The following SHROOM2 variants were observed in gnomAD, a reference collection of about 807,000 sequenced individuals.
SHROOM2 encodes the protein protein Shroom2.
Under a neutral mutation model 75.9 loss-of-function variants are expected in SHROOM2, and 33 were observed. The ratio of observed to expected loss-of-function variants is 0.43; its 90% CI spans 0.33 to 0.58. The LOEUF is 0.58. SHROOM2 is among the 20% of genes least tolerant of loss of function. The probability of loss-of-function intolerance (pLI) is 0.04; values close to 1 mark genes in which losing one functional copy is unlikely to be tolerated. For synonymous variants in SHROOM2, 655 were observed against 663.6 expected, an observed-to-expected ratio of 0.99 and a Z score of 0.20; for missense variants, 1,434 against 1,461.2, an observed-to-expected ratio of 0.98 and a Z score of 0.30.
rs374898048 is a variant in SHROOM2 at position 9,895,841 on chromosome X, C to T, written c.1933C>T (p.Arg645Trp). Residue 645 changes from arginine (R) to tryptophan (W), a missense_variant, in exon 4 of 10, where the codon CGG becomes TGG. Around this residue, in one of 3 missense-constraint regions of SHROOM2, gnomAD observed 1,340 missense variants for 1,338.3 expected, o/e 1.00. Transcript: ENST00000380913. ...GCATAGAGCCAAGCTGCAGAAGAGC[C>T]GGAGCACAGTGGCTCTGACTGCAGC... ...QMHRAKLQKSRSTVALTAAGE... is the reference protein window; with the variant it reads ...QMHRAKLQKSWSTVALTAAGE... The T allele has an allele frequency of 7.5e-6, 9 of 1,203,639 alleles. No homozygotes were observed. The highest frequency in any genetic ancestry group is 5.4e-5 in the South Asian group (3 of 55,811).
At chrX:9,792,846 G>A (rs772343604) in intron 1 of SHROOM2, among the ~76,000 whole-genome samples, 4 of 109,518 alleles carry the variant, frequency 3.7e-5, no homozygotes, top group African/African-American at 1.3e-4. Flanking sequence ...TCAGCCTGGC[G>A]TTACAGGCGC....
At chrX:9,909,229 A>G (rs1320300971) in intron 5 of SHROOM2, among the ~76,000 whole-genome samples, 2 of 112,177 alleles carry the variant, frequency 1.8e-5, no homozygotes, top group Non-Finnish European at 3.8e-5. Context: ...AACAATGACC[A>G]AAGGCAGAAC....
Position 9,891,095 on chromosome X carries a change from C to G in SHROOM2, c.436C>G (p.Arg146Gly). The change falls in exon 3 of 10, where the codon CGA becomes GGA. Residue 146 changes from arginine to glycine, a missense_variant. Transcript: ENST00000380913. Reference protein sequence around the residue: ...STSGCPSWSGRHHASSSSHDL... With the variant: ...STSGCPSWSGGHHASSSSHDL... ...CAGCGGCTGTCCTTCCTGGTCCGGC[C>G]GACACCACGCGAGGTAGGCACCCAT... 8.3e-7 allele frequency: 1 copy of G among 1,204,827 alleles called. No homozygotes were observed. Among genetic ancestry groups the G allele is most frequent in the East Asian group, 3.0e-5 (1 of 33,598 alleles).
At chrX:9,914,511 G>C (rs1032805137) in intron 5 of SHROOM2, among the ~76,000 whole-genome samples, 5 of 110,947 alleles carry the variant, frequency 4.5e-5, no homozygotes, top group Non-Finnish European at 9.4e-5. Flanking sequence ...TCTTTCCCCT[G>C]TCCTCGGGCA....
chrX:9,933,379 T>C (rs1204511855), intron 6 of SHROOM2, among the ~76,000 whole-genome samples: 2 of 111,365 alleles, frequency 1.8e-5, no homozygotes, highest in Middle Eastern at 4.6e-3. Flanking sequence ...AGCAGAAGAA[T>C]ACTCATTCAC....
At chrX:9,796,710 TCA>T (rs2083697036) in intron 1 of SHROOM2, among the ~76,000 whole-genome samples, 1 of 110,874 alleles carries the variant, frequency 9.0e-6, no homozygotes, top group Non-Finnish European at 1.9e-5. Context: ...GGTGGTGTGA[TCA>T]CGGTTCACTG....
At chrX:9,868,703 A>G (rs1265176572) in intron 1 of SHROOM2, among the ~76,000 whole-genome samples, 1 of 95,530 alleles carries the variant, frequency 1.0e-5, no homozygotes, top group African/African-American at 3.9e-5. Flanking sequence ...GCTGGGTGCC[A>G]CCATATCTGG....
At chrX:9,815,462 GTGTGTGTGTGTGTGTGTGTA>G (rs1215898398) in intron 1 of SHROOM2, among the ~76,000 whole-genome samples, 16 of 105,982 alleles carry the variant, frequency 1.5e-4, no homozygotes, top group African/African-American at 5.6e-4. Flanking sequence ...GTGTGTGTGT[GTGTGTGTGTGTGTGTGTGTA>G]TATAATATCT....
At chrX:9,801,688 T>G (rs1219815469) in intron 1 of SHROOM2, among the ~76,000 whole-genome samples, 1 of 112,234 alleles carries the variant, frequency 8.9e-6, no homozygotes, top group Non-Finnish European at 1.9e-5. Flanking sequence ...GCATGGTGGC[T>G]CGTGCATGTA....
At chrX:9,848,787 G>A in intron 1 of SHROOM2, among the ~76,000 whole-genome samples, 1 of 111,024 alleles carries the variant, frequency 9.0e-6, no homozygotes, top group Non-Finnish European at 1.9e-5. Flanking sequence ...AGGTGTATCT[G>A]CCAGGGTTAG....
chrX:9,832,614 C>T (rs757794556), intron 1 of SHROOM2, among the ~76,000 whole-genome samples: 4 of 111,532 alleles, frequency 3.6e-5, no homozygotes, highest in Non-Finnish European at 5.7e-5. Flanking sequence ...CCCCAGCACA[C>T]TAGACGAACC....
At chrX:9,919,305 T>C (rs1055085491) in intron 5 of SHROOM2, among the ~76,000 whole-genome samples, 3 of 103,135 alleles carry the variant, frequency 2.9e-5, no homozygotes, top group Non-Finnish European at 5.9e-5. Flanking sequence ...GTCCAGGAAA[T>C]GTTTCATGGA....
chrX:9,799,855 C>G (rs1333150438), intron 1 of SHROOM2, among the ~76,000 whole-genome samples: 1 of 111,382 alleles, frequency 9.0e-6, no homozygotes, highest in Non-Finnish European at 1.9e-5. Context: ...GACCATTTTA[C>G]CAAATCAACT....
rs761760682 is a variant in SHROOM2 at position 9,884,286 on chromosome X, TTG to T, written c.318-6689_318-6688del. ...GCTGGGGGCACGAAACACAAACTAT[TTG>T]TCTTGGGAGGAGGTGCTTCTTTGCT... On this transcript the variant is annotated intron_variant, in intron 2 of 9. Transcript: ENST00000380913. Among the ~76,000 whole-genome samples, 6 of 110,767 alleles carry T rather than the reference TTG, an allele frequency of 5.4e-5. No individual in the cohort carries two copies. The South Asian group carries it at 2.3e-3, about 43-fold the overall frequency.
rs772148692 is a variant in SHROOM2, at chrX:9,810,325, C to G, written c.165+23615C>G. Among the ~76,000 whole-genome samples the G allele has an allele frequency of 2.7e-5, 3 of 111,240 alleles. No individual in the cohort carries two copies. In the East Asian group the frequency reaches 8.6e-4, roughly 32 times the overall value. Reference sequence around the variant, plus strand: ...TGGGCTGTTGTAGTGTCCCCTTGACCTTAATCACAGGGCATGGTAATACTA... The same window carrying G: ...TGGGCTGTTGTAGTGTCCCCTTGACGTTAATCACAGGGCATGGTAATACTA... On this transcript the variant is annotated intron_variant, in intron 1 of 9. Transcript: ENST00000380913.
intron 1 of SHROOM2, among the ~76,000 whole-genome samples, chrX:9,791,921 C>A (rs1601905407): frequency 9.4e-6 from 1 of 106,763 alleles, no homozygotes; most frequent in African/African-American, 3.5e-5. Flanking sequence ...TTGTGGTGAG[C>A]TGGAGATCGT....
intron 2 of SHROOM2, among the ~76,000 whole-genome samples, chrX:9,888,485 C>A (rs1419519666): frequency 3.6e-5 from 4 of 111,698 alleles, no homozygotes; most frequent in Non-Finnish European, 7.5e-5. Flanking sequence ...GCTCTGTCCC[C>A]CAGGCTGGAG....
chrX:9,904,198 G>A (rs1474434702), intron 5 of SHROOM2, among the ~76,000 whole-genome samples: 1 of 111,249 alleles, frequency 9.0e-6, no homozygotes, highest in East Asian at 2.8e-4. Context: ...TCTAGATGGG[G>A]CAGGTAAGCA....
intron 1 of SHROOM2, among the ~76,000 whole-genome samples, chrX:9,838,632 G>A (rs1387143701): frequency 9.0e-6 from 1 of 111,655 alleles, no homozygotes; most frequent in East Asian, 2.8e-4. Flanking sequence ...AGTTCAGGAT[G>A]GCTTCATCCA....
Sources: allele counts gnomAD v4.1 joint callset (sites outside exome capture counted in the v4.1 genomes callset), GRCh38; gene constraint gnomAD v4.1.1; regional missense constraint gnomAD v4.1.1; transcripts MANE v1.5; gene names NCBI Gene and HGNC (gene_info 2026-07-23, HGNC 2026-07-21).